Variants in SEC24B observed in about 807,000 individuals in gnomAD.
SEC24B encodes SEC24 homolog B, COPII component.
Under a neutral mutation model 142.8 loss-of-function variants are expected in SEC24B, and 45 were observed. The observed-to-expected ratio is 0.32, with a 90% CI of 0.25 to 0.40. SEC24B has a LOEUF of 0.40. Among genes scored for constraint, SEC24B ranks in the 10% least tolerant of loss-of-function variants. The pLI is 1.00. For missense variants in SEC24B, 1,409 were observed against 1,526.8 expected, an observed-to-expected ratio of 0.92 and a Z score of 1.29; for synonymous variants, 574 against 568.2, an observed-to-expected ratio of 1.01 and a Z score of -0.15.
In SEC24B at chr4:109,539,950, C is replaced by T. The variant is rs1726012399; in HGVS notation, c.*275C>T. On this transcript the variant is annotated 3_prime_UTR_variant, in exon 24 of 24. Coordinates refer to ENST00000265175, the MANE Select transcript of SEC24B (RefSeq NM_006323.5). Reference sequence around the variant, plus strand: ...TAGTATGGCAGTACAGTGCTCTGTTCATTGCAAGCTGGCAAATTTATGTAG... The same window carrying T: ...TAGTATGGCAGTACAGTGCTCTGTTTATTGCAAGCTGGCAAATTTATGTAG... 2 of 291,126 alleles carry T rather than the reference C, an allele frequency of 6.9e-6. No homozygotes were observed. Among genetic ancestry groups the T allele is most frequent in the South Asian group, 1.7e-4 (2 of 11,522 alleles). The allele number at this position is 291,126 out of a possible 1,614,324, so 18.0% of individuals were successfully genotyped here.
At chr4:109,494,031 G>A (rs1735281816) in intron 5 of SEC24B, among the ~76,000 whole-genome samples, 2 of 152,216 alleles carry the variant, frequency 1.3e-5, no homozygotes, top group Admixed American at 1.3e-4. Context: ...AAGCAAATTA[G>A]AGAAAAGAGT....
intron 11 of SEC24B, among the ~76,000 whole-genome samples, chr4:109,518,079 T>G (rs1439769754): frequency 6.6e-6 from 1 of 152,144 alleles, no homozygotes; most frequent in Non-Finnish European, 1.5e-5. Context: ...GCAATTCTCT[T>G]GCCTCAGCCT....
chr4:109,511,987 G>C lies in SEC24B; in HGVS notation c.1807G>C (p.Val603Leu). 1 of 1,613,674 alleles carries C rather than the reference G, an allele frequency of 6.2e-7. No individual in the cohort carries two copies. The highest frequency in any genetic ancestry group is 8.5e-7 in the Non-Finnish European group (1 of 1,179,816). The change falls in exon 9 of 24, where the codon GTG becomes CTG. Residue 603 changes from valine (V) to leucine (L), a missense_variant. Physicochemically the swap from Val to Leu is conservative, Grantham distance 32 (BLOSUM62 1). Around this residue, in one of 2 missense-constraint regions of SEC24B, gnomAD observed 700 missense variants for 853.3 expected, o/e 0.82. Coordinates refer to ENST00000265175, the MANE Select transcript of SEC24B (RefSeq NM_006323.5). ...ACCAGTGATAACATCAAATACCATT[G>C]TGAGGTGCCGATCCTGTCGAACGTA... The part of the protein sequence containing the change: ...QLPVITSNTI[V>L]RCRSCRTYIN...
Position 109,463,310 on chromosome 4 carries a change from T to G in SEC24B, c.543T>G (p.Gly181=), listed in dbSNP as rs1383024469. The part of the protein sequence containing the change: ...VASQGFPSTC[G]HYAMSTVSNA... Reference sequence around the variant, plus strand: ...CTCAGGGATTTCCCTCTACTTGTGGTCATTATGCTATGTCAACTGTTTCTA... The same window carrying G: ...CTCAGGGATTTCCCTCTACTTGTGGGCATTATGCTATGTCAACTGTTTCTA... Residue 181 remains glycine (G), a synonymous_variant, in exon 2 of 24, where the codon GGT becomes GGG. Transcript: ENST00000265175. 1 of 1,614,106 alleles carries G rather than the reference T, an allele frequency of 6.2e-7. No homozygotes were observed. The highest frequency in any genetic ancestry group is 1.3e-5 in the African/African-American group (1 of 74,934).
intron 1 of SEC24B, chr4:109,449,335 C>T: frequency 2.9e-6 from 1 of 347,644 alleles, no homozygotes; most frequent in South Asian, 2.2e-5. Context: ...GCAATCCTCC[C>T]ACCTCAGCCT....
rs1418745967 is a variant in SEC24B at position 109,540,198 on chromosome 4, G to GA, written c.*530dup. 1 of 152,426 alleles carries GA rather than the reference G, an allele frequency of 6.6e-6. No homozygotes were observed. The highest frequency in any genetic ancestry group is 2.4e-5 in the African/African-American group (1 of 41,372). 9.4% of individuals were successfully genotyped at this position (152,426 alleles called of 1,614,324 possible). ...ATAGAGTTTCAGTACATGAACTATA[G>GA]AAAAAAATCTATATATAATGTACAT... On this transcript the variant is annotated 3_prime_UTR_variant, in exon 24 of 24. Coordinates refer to ENST00000265175, the MANE Select transcript of SEC24B (RefSeq NM_006323.5).
rs765010807 is a variant in SEC24B at position 109,463,205 on chromosome 4, G to A, written c.438G>A (p.Thr146=). The change falls in exon 2 of 24, where the codon ACG becomes ACA. Residue 146 remains threonine (T), a synonymous_variant. Transcript: ENST00000265175. ...GAASSASHLH[T]SASQPYSSFV... ...CATCGTCAGCATCCCATTTGCATAC[G>A]AGTGCCTCCCAACCATACTCCTCTT... 23 of 1,614,104 alleles carry A rather than the reference G, an allele frequency of 1.4e-5. No homozygotes were observed. The South Asian group carries it at 2.0e-4, about 14-fold the overall frequency.
chr4:109,489,279 G>T (rs1188299893), intron 4 of SEC24B, among the ~76,000 whole-genome samples: 1 of 151,900 alleles, frequency 6.6e-6, no homozygotes, highest in Non-Finnish European at 1.5e-5. Context: ...TAGGGAAGGG[G>T]TCCAGCTTTG....
chr4:109,461,994 A>T (rs1268370234), intron 1 of SEC24B, among the ~76,000 whole-genome samples: 3 of 152,094 alleles, frequency 2.0e-5, no homozygotes, highest in African/African-American at 7.2e-5. Flanking sequence ...ATGGGAGACC[A>T]GCCTGGGCAA....
At chr4:109,479,874 G>C (rs1733550192) in intron 3 of SEC24B, among the ~76,000 whole-genome samples, 1 of 151,722 alleles carries the variant, frequency 6.6e-6, no homozygotes, top group Non-Finnish European at 1.5e-5. Flanking sequence ...ATAGACATGA[G>C]CAATTGTGCT....
chr4:109,440,655 T>G (rs751960895), intron 1 of SEC24B, among the ~76,000 whole-genome samples: 1 of 152,228 alleles, frequency 6.6e-6, no homozygotes, highest in Non-Finnish European at 1.5e-5. Context: ...GTACTATTTT[T>G]AAAGTACTTA....
At chr4:109,453,806 T>C (rs1730384669) in intron 1 of SEC24B, among the ~76,000 whole-genome samples, 1 of 152,168 alleles carries the variant, frequency 6.6e-6, no homozygotes, top group African/African-American at 2.4e-5. Flanking sequence ...CTATGAGATC[T>C]TCACAATTTA....
At chr4:109,436,621 T>C (rs539505260) in intron 1 of SEC24B, among the ~76,000 whole-genome samples, 3 of 152,332 alleles carry the variant, frequency 2.0e-5, no homozygotes, top group African/African-American at 7.2e-5. Context: ...TTGATCACAT[T>C]TGAGTTTGTG....
intron 1 of SEC24B, among the ~76,000 whole-genome samples, chr4:109,437,959 A>T (rs974835392): frequency 1.3e-5 from 2 of 152,192 alleles, no homozygotes; most frequent in African/African-American, 4.8e-5. Flanking sequence ...TCCAAAGGAT[A>T]TTGTATATAG....
chr4:109,529,934 A>G lies in SEC24B; in HGVS notation c.3077-355A>G, dbSNP rs927884978. On this transcript the variant is annotated intron_variant, in intron 18 of 23. Transcript: ENST00000265175. ...TTTTTTGTAGAGACAAGGTCTCACT[A>G]TGTTGCCTAATCTGGTCATGAACTC... Among the ~76,000 whole-genome samples the G allele has an allele frequency of 5.3e-5, 8 of 152,156 alleles. No homozygotes were observed. In the East Asian group the frequency reaches 7.7e-4, roughly 15 times the overall value.
intron 19 of SEC24B, among the ~76,000 whole-genome samples, chr4:109,531,020 G>A (rs1724875605): frequency 6.6e-6 from 1 of 151,880 alleles, no homozygotes; most frequent in South Asian, 2.1e-4. Flanking sequence ...GCATAATGGT[G>A]CAGTCATAGC....
chr4:109,527,252 A>G, intron 17 of SEC24B, 70 bp from the exon 18 acceptor site: 2 of 1,047,832 alleles, frequency 1.9e-6, no homozygotes, highest in Non-Finnish European at 1.4e-6. Context: ...AAAGAAAAAA[A>G]GTATTTGACA....
At chr4:109,503,603 G>T (rs192810710) in intron 6 of SEC24B, among the ~76,000 whole-genome samples, 3 of 151,870 alleles carry the variant, frequency 2.0e-5, no homozygotes, top group East Asian at 3.9e-4. Context: ...TAAGTGACGC[G>T]CCCACTTCGG....
Position 109,487,971 on chromosome 4 carries a change from T to C in SEC24B, c.1166-3356T>C, listed in dbSNP as rs569508762. On this transcript the variant is annotated intron_variant, in intron 4 of 23. Transcript: ENST00000265175. ...ACTAAACATCTTAACTGAGTAGTAG[T>C]ATGTTCTTTGGAATAAGTTCATATA... Among the ~76,000 whole-genome samples the C allele has an allele frequency of 2.0e-4, 30 of 152,316 alleles. No individual in the cohort carries two copies. In the South Asian group the frequency reaches 6.2e-3, roughly 32 times the overall value.
Sources: allele counts gnomAD v4.1 joint callset (sites outside exome capture counted in the v4.1 genomes callset), GRCh38; gene constraint gnomAD v4.1.1; regional missense constraint gnomAD v4.1.1; transcripts MANE v1.5; gene names NCBI Gene and HGNC (gene_info 2026-07-23, HGNC 2026-07-21).